SYT1: variants seen among roughly 807,000 people sequenced by gnomAD.
SYT1 encodes synaptotagmin-1.
In SYT1, 8 loss-of-function variants were observed where a neutral mutation model predicts 44.8. The observed-to-expected ratio is 0.18, with a 90% confidence interval of 0.10 to 0.32. The LOEUF is 0.32. Ranked by LOEUF, SYT1 falls within the 10% of genes least tolerant of loss-of-function variation. The pLI, the probability that SYT1 is intolerant of heterozygous loss-of-function variation, is 1.00. For missense variants in SYT1, 286 were observed against 509.3 expected (o/e 0.56, Z 4.22); for synonymous variants, 154 against 188.8 (o/e 0.82, Z 1.51).
At chr12:78,885,663 C>G (rs865956580) in intron 1 of SYT1, among the ~76,000 whole-genome samples, 5 of 152,064 alleles carry the variant, frequency 3.3e-5, no homozygotes, top group African/African-American at 1.2e-4. Context: ...GTGCTGCAGG[C>G]TGAGGGAGCA....
intron 3 of SYT1, among the ~76,000 whole-genome samples, chr12:79,176,158 T>A (rs1032516212): frequency 1.8e-4 from 27 of 151,540 alleles, no homozygotes; most frequent in Admixed American, 1.6e-3. Flanking sequence ...GGTATGGTGG[T>A]GCATGCCTGG....
chr12:79,168,395 G>A (rs145807987), intron 3 of SYT1, among the ~76,000 whole-genome samples: 95 of 152,140 alleles, frequency 6.2e-4, no homozygotes, highest in African/African-American at 2.2e-3. Context: ...AGTTTATTAA[G>A]TGTCTCAGTA....
At chr12:78,882,855 G>C (rs1245120474) in intron 1 of SYT1, among the ~76,000 whole-genome samples, 1 of 151,484 alleles carries the variant, frequency 6.6e-6, no homozygotes, top group Non-Finnish European at 1.5e-5. Context: ...TCTTTTCTCT[G>C]AATCATGGCA....
chr12:78,896,866 A>T (rs1229637843), intron 1 of SYT1, among the ~76,000 whole-genome samples: 1 of 151,816 alleles, frequency 6.6e-6, no homozygotes, highest in Non-Finnish European at 1.5e-5. Flanking sequence ...CTTTAGGAAG[A>T]TAATAAGGAA....
At chr12:79,137,623 C>A (rs1310614040) in intron 3 of SYT1, among the ~76,000 whole-genome samples, 1 of 151,970 alleles carries the variant, frequency 6.6e-6, no homozygotes, top group African/African-American at 2.4e-5. Context: ...ATTCAAAATA[C>A]CTTTGAAAAT....
chr12:79,245,712 T>C (rs1229594459), intron 4 of SYT1, among the ~76,000 whole-genome samples: 4 of 152,184 alleles, frequency 2.6e-5, no homozygotes, highest in African/African-American at 9.7e-5. Flanking sequence ...CTTCTATCAC[T>C]GTCTAATTAA....
intron 3 of SYT1, among the ~76,000 whole-genome samples, chr12:79,160,790 C>T (rs993997443): frequency 9.2e-5 from 14 of 151,952 alleles, no homozygotes; most frequent in African/African-American, 2.9e-4. Flanking sequence ...GGTGCTGTGG[C>T]ATAAAAGATT....
rs1882274697 is a variant in SYT1 at position 79,339,779 on chromosome 12, C to G, written c.811-13723C>G. On this transcript the variant is annotated intron_variant, in intron 8 of 10. Transcript: ENST00000261205. ...TCCTGAATGGTATTGCCTAGGTTTTCTTCTAGGGATTTTATGGTTTTAGGT... is the reference window on the plus strand; with the variant it reads ...TCCTGAATGGTATTGCCTAGGTTTTGTTCTAGGGATTTTATGGTTTTAGGT... Among the ~76,000 whole-genome samples the G allele has an allele frequency of 2.0e-5, 3 of 152,284 alleles. No homozygotes were observed. The South Asian group carries it at 6.2e-4, about 32-fold the overall frequency.
At chr12:79,376,355 T>G (rs1385139987) in intron 9 of SYT1, among the ~76,000 whole-genome samples, 3 of 152,322 alleles carry the variant, frequency 2.0e-5, no homozygotes, top group Admixed American at 6.5e-5. Flanking sequence ...AAGGGTGGAT[T>G]ATTCATGCCT....
Position 79,221,422 on chromosome 12 carries a change from C to A in SYT1, c.166+3737C>A, listed in dbSNP as rs150374639. Among the ~76,000 whole-genome samples, 4 of 152,168 alleles carry A rather than the reference C, an allele frequency of 2.6e-5. No individual in the cohort carries two copies. The South Asian group carries it at 8.3e-4, about 32-fold the overall frequency. On this transcript the variant is annotated intron_variant, in intron 4 of 10. Coordinates refer to ENST00000261205, the MANE Select transcript of SYT1 (RefSeq NM_005639.3). Reference sequence around the variant, plus strand: ...TTTACATTTAAAGTAATTATCAATACTTACTACTGCCATATTATTAATTGT... The same window carrying A: ...TTTACATTTAAAGTAATTATCAATAATTACTACTGCCATATTATTAATTGT...
At chr12:79,062,939 C>T (rs1446606623) in intron 3 of SYT1, among the ~76,000 whole-genome samples, 1 of 152,026 alleles carries the variant, frequency 6.6e-6, no homozygotes, top group Non-Finnish European at 1.5e-5. Context: ...GAAACAAAGA[C>T]TCTGAGAAGT....
At chr12:78,945,664 G>A (rs1002212102) in intron 1 of SYT1, among the ~76,000 whole-genome samples, 1 of 151,978 alleles carries the variant, frequency 6.6e-6, no homozygotes, top group Non-Finnish European at 1.5e-5. Context: ...AGTCAAATTA[G>A]GGTTATGCTT....
intron 3 of SYT1, among the ~76,000 whole-genome samples, chr12:79,103,968 T>C (rs564609483): frequency 7.8e-4 from 118 of 152,256 alleles, no homozygotes; most frequent in African/African-American, 2.7e-3. Flanking sequence ...GCAGGAAATA[T>C]AGAAAAATTG....
In SYT1 at chr12:79,311,094, G is replaced by C. The variant is rs527578905; in HGVS notation, c.810+11543G>C. On this transcript the variant is annotated intron_variant, in intron 8 of 10. Coordinates refer to ENST00000261205, the MANE Select transcript of SYT1 (RefSeq NM_005639.3). Reference sequence around the variant, plus strand: ...GAGAGGGCATCCCTGTCTTGTGCCAGTTTTCAAAGGGAATGCTTCCAGTTT... The same window carrying C: ...GAGAGGGCATCCCTGTCTTGTGCCACTTTTCAAAGGGAATGCTTCCAGTTT... Among the ~76,000 whole-genome samples, 549 of 152,340 alleles carry C rather than the reference G, an allele frequency of 3.6e-3. 4 individuals carry two copies. Among genetic ancestry groups the C allele is most frequent in the Middle Eastern group, 0.014 (4 of 294 alleles).
intron 4 of SYT1, among the ~76,000 whole-genome samples, chr12:79,231,325 C>T (rs1253751760): frequency 6.6e-6 from 1 of 152,004 alleles, no homozygotes; most frequent in Non-Finnish European, 1.5e-5. Context: ...TTGAGTGAAC[C>T]TAGGTAACTT....
intron 3 of SYT1, among the ~76,000 whole-genome samples, chr12:79,138,034 T>C (rs1869313125): frequency 6.6e-6 from 1 of 152,222 alleles, no homozygotes; most frequent in African/African-American, 2.4e-5. Flanking sequence ...CGTCATTCAA[T>C]AATACTTATT....
chr12:79,358,622 T>C lies in SYT1; in HGVS notation c.928+5003T>C, dbSNP rs570414706. ...CATTTGATCTCAGCTGATTTGAGGGTAGGACTGAAGTTCAGATCCCCCCAG... is the reference window on the plus strand; with the variant it reads ...CATTTGATCTCAGCTGATTTGAGGGCAGGACTGAAGTTCAGATCCCCCCAG... On this transcript the variant is annotated intron_variant, in intron 9 of 10. Coordinates refer to ENST00000261205, the MANE Select transcript of SYT1 (RefSeq NM_005639.3). Among the ~76,000 whole-genome samples the C allele has an allele frequency of 5.3e-5, 8 of 152,262 alleles. No homozygotes were observed. In the South Asian group the frequency reaches 1.7e-3, roughly 32 times the overall value.
intron 1 of SYT1, chr12:78,960,765 A>C (rs1355245572): frequency 6.6e-6 from 1 of 152,156 alleles, no homozygotes; most frequent in Non-Finnish European, 1.5e-5. Flanking sequence ...AACTTAACCT[A>C]GCTAAAAGTT....
At chr12:79,028,814 T>C (rs1176848718) in intron 2 of SYT1, among the ~76,000 whole-genome samples, 3 of 151,282 alleles carry the variant, frequency 2.0e-5, no homozygotes, top group African/African-American at 7.3e-5. Context: ...TTTTATGCCG[T>C]TCCATAAGTA....
Sources: allele counts gnomAD v4.1 joint callset (sites outside exome capture counted in the v4.1 genomes callset), GRCh38; gene constraint gnomAD v4.1.1; transcripts MANE v1.5; gene names NCBI Gene and HGNC (gene_info 2026-07-23, HGNC 2026-07-21).